Variants in PTPRN2 observed in about 807,000 individuals in gnomAD.
The protein encoded by PTPRN2 is receptor-type tyrosine-protein phosphatase N2.
PTPRN2 carries 74 observed loss-of-function variants against 118.8 expected under a neutral mutation model. The observed-to-expected ratio is 0.62, with a 90% CI of 0.52 to 0.76. PTPRN2 has a LOEUF of 0.76. Ranked by LOEUF, PTPRN2 falls within the 30% of genes least tolerant of loss-of-function variation. The pLI is 0.00. For missense variants in PTPRN2, 1,481 were observed against 1,394.4 expected, an observed-to-expected ratio of 1.06 and a Z score of -0.99; for synonymous variants, 641 against 608.0, an observed-to-expected ratio of 1.05 and a Z score of -0.80.
At chr7:157,748,847 T>C (rs71541701) in intron 12 of PTPRN2, among the ~76,000 whole-genome samples, 29 of 23,980 alleles carry the variant, frequency 1.2e-3, no homozygotes, top group South Asian at 0.01. Context: ...CTGAGGCCTG[T>C]GTCCCTGAGC....
intron 11 of PTPRN2, among the ~76,000 whole-genome samples, chr7:157,985,389 T>C (rs1585142328): frequency 3.9e-5 from 6 of 152,336 alleles, no homozygotes; most frequent in Admixed American, 3.9e-4. Flanking sequence ...TCTGTGTGTG[T>C]GGTGTGCCTT....
intron 12 of PTPRN2, among the ~76,000 whole-genome samples, chr7:157,761,319 TGGA>T (rs1357619839): frequency 2.0e-5 from 3 of 150,854 alleles, no homozygotes; most frequent in Non-Finnish European, 4.4e-5. Context: ...AGAACAAAGC[TGGA>T]GGCATCACAC....
chr7:157,810,600 G>A (rs544229969), intron 12 of PTPRN2, among the ~76,000 whole-genome samples: 19 of 142,478 alleles, frequency 1.3e-4, no homozygotes, highest in Admixed American at 2.1e-4. Context: ...GGACGGGGAC[G>A]GCGGGACTGC....
intron 11 of PTPRN2, among the ~76,000 whole-genome samples, chr7:158,071,139 T>C (rs368085353): frequency 0.014 from 434 of 29,938 alleles, no homozygotes; most frequent in Admixed American, 0.022. Flanking sequence ...GTGGAGGTGC[T>C]CGTGGTGGTG....
At chr7:158,098,901 C>A (rs112241343) in intron 10 of PTPRN2, among the ~76,000 whole-genome samples, 9 of 151,882 alleles carry the variant, frequency 5.9e-5, no homozygotes, top group African/African-American at 9.7e-5. Flanking sequence ...CGGGGTGCAG[C>A]GTTCCTGGGT....
In PTPRN2 at chr7:158,555,351, G is replaced by A. The variant is rs1341348170; in HGVS notation, c.112+32207C>T. On this transcript the variant is annotated intron_variant, in intron 1 of 22. Transcript: ENST00000389418. The surrounding 1 kb of genome is among the most constrained non-coding windows in gnomAD (Gnocchi z 4.7). Reference sequence around the variant, plus strand: ...GGCGGCACCAAGCCCAGCGTCGAACGAAGCAGGTCCTTCTCCCTTCACAAG... The same window carrying A: ...GGCGGCACCAAGCCCAGCGTCGAACAAAGCAGGTCCTTCTCCCTTCACAAG... Among the ~76,000 whole-genome samples, 2 of 152,170 alleles carry A rather than the reference G, an allele frequency of 1.3e-5. No homozygotes were observed. Among genetic ancestry groups the A allele is most frequent in the Non-Finnish European group, 2.9e-5 (2 of 68,040 alleles).
intron 2 of PTPRN2, among the ~76,000 whole-genome samples, chr7:158,392,421 C>T (rs942502528): frequency 1.3e-5 from 2 of 152,154 alleles, no homozygotes; most frequent in African/African-American, 2.4e-5. Context: ...GAGGAGAGGG[C>T]GGCGGGGATC....
intron 12 of PTPRN2, among the ~76,000 whole-genome samples, chr7:157,708,238 ACAT>A (rs1414414595): frequency 6.6e-6 from 1 of 152,176 alleles, no homozygotes; most frequent in Non-Finnish European, 1.5e-5. Context: ...AAGCTCAGGC[ACAT>A]CCTCTCCTCT....
chr7:157,940,828 CA>C (rs2128790797), intron 11 of PTPRN2, among the ~76,000 whole-genome samples: 1 of 87,236 alleles, frequency 1.1e-5, no homozygotes. Context: ...GCCCTCCCCA[CA>C]GTGACACTGC....
intron 6 of PTPRN2, among the ~76,000 whole-genome samples, chr7:158,148,994 C>G (rs1820549967): frequency 7.4e-6 from 1 of 135,280 alleles, no homozygotes; most frequent in Non-Finnish European, 1.6e-5. Context: ...CGCCACACAT[C>G]TTTCCCCCTC....
chr7:158,287,461 T>G (rs1048243109), intron 3 of PTPRN2, among the ~76,000 whole-genome samples: 2 of 152,282 alleles, frequency 1.3e-5, no homozygotes, highest in Non-Finnish European at 2.9e-5. Flanking sequence ...TTTATCACTA[T>G]AAACATCCCT....
At chr7:158,057,916 T>C (rs1433729930) in intron 11 of PTPRN2, among the ~76,000 whole-genome samples, 2 of 152,214 alleles carry the variant, frequency 1.3e-5, no homozygotes, top group Non-Finnish European at 2.9e-5. Flanking sequence ...CGACATTATC[T>C]TTTTTTCCTT....
chr7:157,771,526 T>C (rs1257548352), intron 12 of PTPRN2, among the ~76,000 whole-genome samples: 1 of 152,190 alleles, frequency 6.6e-6, no homozygotes, highest in African/African-American at 2.4e-5. Context: ...GTGCTGGATC[T>C]GGGACTCCAC....
intron 9 of PTPRN2, among the ~76,000 whole-genome samples, chr7:158,119,250 T>C (rs1419517642): frequency 6.6e-6 from 1 of 152,030 alleles, no homozygotes; most frequent in Non-Finnish European, 1.5e-5. Context: ...AATATACAAA[T>C]GGCCAAAAGC....
rs562199350 is a variant in PTPRN2, at chr7:158,565,525, G to C, written c.112+22033C>G. Among the ~76,000 whole-genome samples, 8 of 152,284 alleles carry C rather than the reference G, an allele frequency of 5.3e-5. 1 individual carries two copies. In the South Asian group the frequency reaches 1.7e-3, roughly 32 times the overall value. On this transcript the variant is annotated intron_variant, in intron 1 of 22. Coordinates refer to ENST00000389418, the MANE Select transcript of PTPRN2 (RefSeq NM_002847.5). The surrounding 1 kb of genome is among the most constrained non-coding windows in gnomAD (Gnocchi z 4.6). ...GCTCAGAATTCCAAACAGGGCCTCA[G>C]CTCAATGGTGAGAAATCTTAACTCG...
chr7:158,540,859 A>C (rs1317192), intron 1 of PTPRN2, among the ~76,000 whole-genome samples: 1 of 152,126 alleles, frequency 6.6e-6, no homozygotes, highest in Non-Finnish European at 1.5e-5. Flanking sequence ...TTAGGTCACC[A>C]AGGCCAATGT....
intron 3 of PTPRN2, among the ~76,000 whole-genome samples, chr7:158,278,148 T>A (rs1006695187): frequency 1.5e-4 from 23 of 152,266 alleles, no homozygotes; most frequent in Middle Eastern, 3.4e-3. Context: ...GCACGTAACA[T>A]GTCTAGAACA....
intron 11 of PTPRN2, among the ~76,000 whole-genome samples, chr7:157,902,176 C>T (rs771296861): frequency 2.6e-5 from 4 of 152,234 alleles, no homozygotes; most frequent in Non-Finnish European, 5.9e-5. Context: ...TAAGCACTTT[C>T]CACTGGGCCT....
chr7:158,351,901 G>A (rs145452924), intron 2 of PTPRN2, among the ~76,000 whole-genome samples: 3,508 of 80,820 alleles, frequency 0.043, 121 homozygotes, highest in African/African-American at 0.18. Context: ...CCTCCTGTCC[G>A]CTCCCCTCCT....
Sources: gnomAD v4.1 joint callset for allele counts (sites outside exome capture counted in the v4.1 genomes callset) on GRCh38, gnomAD v4.1.1 for gene constraint, Gnocchi (gnomAD v3.1) non-coding constraint, MANE v1.5 for transcripts, NCBI Gene and HGNC (gene_info 2026-07-23, HGNC 2026-07-21) for gene names.